Variants in ANO1 observed in about 807,000 individuals in gnomAD.
The protein encoded by ANO1 is anoctamin 1, also known as anoctamin-1.
ANO1 carries 59 observed loss-of-function variants against 124.0 expected under a neutral mutation model. The ratio of observed to expected loss-of-function variants is 0.48; its 90% CI spans 0.39 to 0.59. The LOEUF is 0.59. ANO1 is among the 20% of genes least tolerant of loss of function. The probability of loss-of-function intolerance (pLI) is 0.00; values close to 1 mark genes in which losing one functional copy is unlikely to be tolerated. For synonymous variants in ANO1, 529 were observed against 532.0 expected, an observed-to-expected ratio of 0.99 and a Z score of 0.08; for missense variants, 1,059 against 1,328.0, an observed-to-expected ratio of 0.80 and a Z score of 3.15.
At chr11:70,021,591 T>C (rs565457952) in intron 1 of ANO1, among the ~76,000 whole-genome samples, 1 of 152,272 alleles carries the variant, frequency 6.6e-6, no homozygotes, top group Admixed American at 6.5e-5. Flanking sequence ...ACCTGGTCCA[T>C]TTAAAGCGGC....
intron 4 of ANO1, 74 bp downstream of exon 4, chr11:70,104,224 CAGATTGATTATCTGTCCCCCAA>C (rs1555021584): frequency 6.8e-7 from 1 of 1,462,334 alleles, no homozygotes; most frequent in Non-Finnish European, 9.2e-7. Context: ...ATGAGAAATG[CAGATTGATTATCTGTCCCCCAA>C]AGAAGAGCGT....
intron 1 of ANO1, among the ~76,000 whole-genome samples, chr11:70,068,991 A>G (rs1555008971): frequency 6.6e-6 from 1 of 152,240 alleles, no homozygotes; most frequent in Non-Finnish European, 1.5e-5. Context: ...TCTTAGGTGC[A>G]TCTACAAAGG....
chr11:70,010,645 G>A (rs1856585290), intron 1 of ANO1, among the ~76,000 whole-genome samples: 1 of 152,122 alleles, frequency 6.6e-6, no homozygotes, highest in Admixed American at 6.5e-5. Context: ...GGCATCATGG[G>A]AGAGATGGAC....
In ANO1 at chr11:70,047,928, G is replaced by T. The variant is rs377589423; in HGVS notation, c.59-30614G>T. 2.8e-4 allele frequency among the ~76,000 whole-genome samples: 43 copies of T among 152,342 alleles called. 2 individuals carry two copies. The South Asian group carries it at 8.7e-3, about 31-fold the overall frequency. On this transcript the variant is annotated intron_variant, in intron 1 of 27. Coordinates refer to the ANO1 transcript ENST00000531349. ...ACTTTTTGAAATAAATTGTATCGTT[G>T]TGGAATGAGAATGTTTTAAATCATA...
At chr11:70,021,498 C>A (rs1856808694) in intron 1 of ANO1, among the ~76,000 whole-genome samples, 1 of 150,254 alleles carries the variant, frequency 6.7e-6, no homozygotes. Context: ...TTAGCTCTAT[C>A]AGAAGAAATT....
chr11:70,107,687 G>A (rs949555336), intron 5 of ANO1, among the ~76,000 whole-genome samples: 1 of 152,174 alleles, frequency 6.6e-6, no homozygotes, highest in Non-Finnish European at 1.5e-5. Context: ...AAATCACACA[G>A]CTGCAAATGG....
At chr11:69,991,757 A>G (rs1395928008) in intron 1 of ANO1, among the ~76,000 whole-genome samples, 1 of 152,240 alleles carries the variant, frequency 6.6e-6, no homozygotes, top group Non-Finnish European at 1.5e-5. Context: ...GAGCTGGGAT[A>G]TAATGTAGCC....
At chr11:69,982,431 A>G (rs1855967460), upstream of ANO1, among the ~76,000 whole-genome samples, 1 of 152,232 alleles carries the variant, frequency 6.6e-6, no homozygotes, top group Non-Finnish European at 1.5e-5. Context: ...GGGGCCACCA[A>G]GAGCTCCAAT....
chr11:70,158,805 G>T (rs2047925491), intron 16 of ANO1, among the ~76,000 whole-genome samples: 1 of 150,756 alleles, frequency 6.6e-6, no homozygotes, highest in Non-Finnish European at 1.5e-5. Context: ...CAGTGGTGGG[G>T]CCTGCTCATC....
chr11:70,069,042 C>A (rs1857802189), intron 1 of ANO1, among the ~76,000 whole-genome samples: 1 of 152,222 alleles, frequency 6.6e-6, no homozygotes, highest in African/African-American at 2.4e-5. Context: ...GAAAGAATAT[C>A]CCCCTCCACA....
upstream of ANO1, among the ~76,000 whole-genome samples, chr11:69,984,520 G>A (rs1855992894): frequency 6.6e-6 from 1 of 151,822 alleles, no homozygotes; most frequent in South Asian, 2.1e-4. Flanking sequence ...AGGTGGGGGC[G>A]GGGAAGGAGA....
chr11:70,117,768 C>G lies in ANO1; in HGVS notation c.897+1269C>G, dbSNP rs1350845269. On this transcript the variant is annotated intron_variant, in intron 8 of 25. Transcript: ENST00000355303. ...ACAATAGTGGCCTTGTCCCAATTCC[C>G]AGGGGCCAGGACCTCTGTGTATGGA... Among the ~76,000 whole-genome samples, 3 of 152,302 alleles carry G rather than the reference C, an allele frequency of 2.0e-5. No homozygotes were observed. The East Asian group carries it at 5.8e-4, about 29-fold the overall frequency.
At chr11:70,116,378 T>C (rs944354361) in intron 7 of ANO1, 80 bp from the exon 8 acceptor site, 1 of 1,378,396 alleles carries the variant, frequency 7.3e-7, no homozygotes, top group African/African-American at 1.4e-5. Flanking sequence ...CTGGGGTTTA[T>C]GTTTTGAAAC....
intron 1 of ANO1, chr11:70,085,370 T>G: frequency 7.7e-7 from 1 of 1,299,262 alleles, no homozygotes; most frequent in South Asian, 1.4e-5. Context: ...TCGTGGCCCC[T>G]AAGCACCCTC....
chr11:70,027,359 T>C (rs542192470), intron 1 of ANO1, among the ~76,000 whole-genome samples: 52 of 152,204 alleles, frequency 3.4e-4, no homozygotes, highest in Non-Finnish European at 3.1e-4. Flanking sequence ...AATAAAATGC[T>C]GACTAGCTCA....
chr11:70,103,282 G>T, intron 3 of ANO1, 118 bp downstream of exon 3: 1 of 757,048 alleles, frequency 1.3e-6, no homozygotes. Flanking sequence ...AAACCCAGTG[G>T]GCTTCACGGC....
intron 1 of ANO1, chr11:70,063,636 G>T (rs1459834111): frequency 6.6e-6 from 1 of 152,238 alleles, no homozygotes; most frequent in Middle Eastern, 3.4e-3. Flanking sequence ...CGCGAACCCA[G>T]TTCTTCAGAA....
In ANO1 at chr11:70,005,124, A is replaced by AAAAT. The variant is rs1205227663; in HGVS notation, c.58+18961_58+18962insTAAA. Among the ~76,000 whole-genome samples, 3 of 152,032 alleles carry AAAAT rather than the reference A, an allele frequency of 2.0e-5. No individual in the cohort carries two copies. The East Asian group carries it at 5.8e-4, about 30-fold the overall frequency. ...CGAGATTCCAACTCAAAAAAAAAAAAAAAATTGGTGACAGAAACATTCTTA... is the reference window on the plus strand; with the variant it reads ...CGAGATTCCAACTCAAAAAAAAAAAAAAATAAAATTGGTGACAGAAACATTCTTA... On this transcript the variant is annotated intron_variant, in intron 1 of 27. Coordinates refer to the ANO1 transcript ENST00000531349.
intron 14 of ANO1, among the ~76,000 whole-genome samples, chr11:70,154,460 CTTTTTTTTTTTT>C (rs35077245): frequency 3.6e-5 from 3 of 84,262 alleles, no homozygotes; most frequent in Non-Finnish European, 6.7e-5. Flanking sequence ...GGAAGTATGT[CTTTTTTTTTTTT>C]TTTTTTTTTT....
Sources: gnomAD v4.1 joint callset for allele counts (sites outside exome capture counted in the v4.1 genomes callset) on GRCh38, gnomAD v4.1.1 for gene constraint, MANE v1.5 for transcripts, NCBI Gene and HGNC (gene_info 2026-07-23, HGNC 2026-07-21) for gene names.